The following RSBN1L variants were observed in gnomAD, a reference collection of about 807,000 sequenced individuals.
RSBN1L encodes lysine-specific demethylase RSBN1L.
A neutral mutation model predicts 67.7 loss-of-function variants in RSBN1L; 30 were observed. That is an observed-to-expected ratio of 0.44 (90% CI 0.33 to 0.60). The LOEUF (loss-of-function observed/expected upper bound fraction) is 0.60. Among genes scored for constraint, RSBN1L ranks in the 20% least tolerant of loss-of-function variants. The pLI, the probability that RSBN1L is intolerant of heterozygous loss-of-function variation, is 0.02. For missense variants in RSBN1L, 992 were observed against 1,031.7 expected, an observed-to-expected ratio of 0.96 and a Z score of 0.53; for synonymous variants, 433 against 387.0, an observed-to-expected ratio of 1.12 and a Z score of -1.39.
rs1790742004 is a variant in RSBN1L at position 77,696,977 on chromosome 7, A to G, written c.508A>G (p.Arg170Gly). The change falls in exon 1 of 8, where the codon AGG becomes GGG. Residue 170 changes from arginine to glycine, a missense_variant. This residue lies in a region of RSBN1L where 575 missense variants were observed against 483.2 expected (regional missense o/e 1.19). Coordinates refer to ENST00000334955, the MANE Select transcript of RSBN1L (RefSeq NM_198467.3). ...GGAGAAGCGGGAGAAGGAGAGGAGG[A>G]GGCACGGTCTCGGTGGGGCCCGAGA... The part of the protein sequence containing the change: ...PKEKREKERR[R>G]HGLGGAREAG... 1 of 1,558,034 alleles carries G rather than the reference A, an allele frequency of 6.4e-7. No individual in the cohort carries two copies.
At chr7:77,760,234 T>C (rs59337956) in intron 3 of RSBN1L, among the ~76,000 whole-genome samples, 1 of 152,166 alleles carries the variant, frequency 6.6e-6, no homozygotes, top group African/African-American at 2.4e-5. Context: ...AGTCGAATAT[T>C]AGTTTAAACA....
intron 6 of RSBN1L, among the ~76,000 whole-genome samples, chr7:77,774,918 G>T (rs745712441): frequency 6.6e-6 from 1 of 151,682 alleles, no homozygotes; most frequent in African/African-American, 2.4e-5. Context: ...CTATAGTTCA[G>T]TGGTGCTGTC....
At chr7:77,707,270 T>TC (rs1679302037) in intron 1 of RSBN1L, among the ~76,000 whole-genome samples, 1 of 152,180 alleles carries the variant, frequency 6.6e-6, no homozygotes, top group Non-Finnish European at 1.5e-5. Context: ...GTGATCCATC[T>TC]GCCTTGGCTT....
At chr7:77,704,203 T>C (rs1034812922) in intron 1 of RSBN1L, among the ~76,000 whole-genome samples, 5 of 152,198 alleles carry the variant, frequency 3.3e-5, no homozygotes, top group African/African-American at 7.2e-5. Context: ...CCATCTGATA[T>C]GTTAGAATGA....
At chr7:77,775,439 G>T (rs1791900885) in intron 6 of RSBN1L, among the ~76,000 whole-genome samples, 1 of 152,154 alleles carries the variant, frequency 6.6e-6, no homozygotes, top group Admixed American at 6.5e-5. Context: ...TGAGGCACAA[G>T]AATTGCTTGA....
intron 3 of RSBN1L, among the ~76,000 whole-genome samples, chr7:77,764,194 G>A (rs912751400): frequency 2.0e-5 from 3 of 152,152 alleles, no homozygotes; most frequent in Admixed American, 2.0e-4. Flanking sequence ...GGGCAAACTG[G>A]GACAAATTGG....
At chr7:77,757,560 A>G (rs917775502) in intron 3 of RSBN1L, among the ~76,000 whole-genome samples, 1 of 152,248 alleles carries the variant, frequency 6.6e-6, no homozygotes, top group Non-Finnish European at 1.5e-5. Context: ...AAAAGCCTCA[A>G]AACTTAGTGA....
At chr7:77,746,879 T>G (rs1008477959) in intron 2 of RSBN1L, among the ~76,000 whole-genome samples, 1 of 152,224 alleles carries the variant, frequency 6.6e-6, no homozygotes, top group African/African-American at 2.4e-5. Flanking sequence ...TAATCCCCTT[T>G]GACTCCATGA....
chr7:77,752,413 C>G (rs1462742677), intron 3 of RSBN1L, among the ~76,000 whole-genome samples: 2 of 92,892 alleles, frequency 2.2e-5, no homozygotes, highest in Non-Finnish European at 4.0e-5. Flanking sequence ...TTCTTCAGAT[C>G]TTATTCCTGT....
chr7:77,764,625 TTC>T (rs1351719357), intron 3 of RSBN1L, among the ~76,000 whole-genome samples: 3 of 152,066 alleles, frequency 2.0e-5, no homozygotes, highest in African/African-American at 7.2e-5. Flanking sequence ...CTTAATTTCT[TTC>T]TTTCTTTTTT....
chr7:77,773,782 T>C (rs1341176955), intron 6 of RSBN1L, among the ~76,000 whole-genome samples: 1 of 152,050 alleles, frequency 6.6e-6, no homozygotes, highest in South Asian at 2.1e-4. Context: ...CAAAAACAAA[T>C]AAATTGCTAA....
intron 4 of RSBN1L, 80 bp from the exon 5 acceptor site, chr7:77,768,581 G>T: frequency 1.6e-6 from 2 of 1,232,394 alleles, no homozygotes; most frequent in South Asian, 1.3e-5. Flanking sequence ...GTGTTTGTCA[G>T]GGGAACAATA....
chr7:77,736,739 A>ACTT (rs1791342279), intron 2 of RSBN1L, among the ~76,000 whole-genome samples: 4 of 152,190 alleles, frequency 2.6e-5, no homozygotes, highest in Non-Finnish European at 2.9e-5. Context: ...AAAAGTTAAA[A>ACTT]GGTTAAGCTT....
chr7:77,745,032 C>T (rs111258441), intron 2 of RSBN1L, among the ~76,000 whole-genome samples: 5 of 152,102 alleles, frequency 3.3e-5, no homozygotes, highest in African/African-American at 4.8e-5. Context: ...GAGGCTGAGG[C>T]GGGTGGATCA....
At chr7:77,741,344 TATTC>T (rs1012334535) in intron 2 of RSBN1L, among the ~76,000 whole-genome samples, 7 of 152,042 alleles carry the variant, frequency 4.6e-5, no homozygotes, top group Non-Finnish European at 7.4e-5. Context: ...ATAGCAGTTC[TATTC>T]TTTCTGTTAT....
At chr7:77,698,420 A>G (rs1036059143) in intron 1 of RSBN1L, among the ~76,000 whole-genome samples, 6 of 152,236 alleles carry the variant, frequency 3.9e-5, no homozygotes, top group African/African-American at 1.2e-4. Flanking sequence ...GTTTGTCCAT[A>G]TGCAGCTTGG....
At chr7:77,745,727 T>C (rs1356410296) in intron 2 of RSBN1L, among the ~76,000 whole-genome samples, 3 of 152,222 alleles carry the variant, frequency 2.0e-5, no homozygotes, top group South Asian at 2.1e-4. Context: ...ACATTTATTG[T>C]GCACTTTATT....
At chr7:77,711,760 A>G (rs1282713248) in intron 1 of RSBN1L, among the ~76,000 whole-genome samples, 1 of 152,230 alleles carries the variant, frequency 6.6e-6, no homozygotes, top group African/African-American at 2.4e-5. Flanking sequence ...TTCTGTGTTC[A>G]GAAGTAACCA....
At chr7:77,721,224 T>G (rs1470844215) in intron 1 of RSBN1L, among the ~76,000 whole-genome samples, 1 of 150,462 alleles carries the variant, frequency 6.6e-6, no homozygotes, top group African/African-American at 2.5e-5. Flanking sequence ...GTTGGTAATT[T>G]TGTTTTTTTT....
Sources: allele counts gnomAD v4.1 joint callset (sites outside exome capture counted in the v4.1 genomes callset), GRCh38; gene constraint gnomAD v4.1.1; regional missense constraint gnomAD v4.1.1; transcripts MANE v1.5; gene names NCBI Gene and HGNC (gene_info 2026-07-23, HGNC 2026-07-21).